PTPRT: variants seen among roughly 807,000 people sequenced by gnomAD.
PTPRT encodes the protein protein tyrosine phosphatase receptor type T, also known as receptor-type tyrosine-protein phosphatase T.
Under a neutral mutation model 176.8 loss-of-function variants are expected in PTPRT, and 56 were observed. That is an observed-to-expected ratio of 0.32 (90% CI 0.26 to 0.40). The LOEUF (loss-of-function observed/expected upper bound fraction) is 0.40. PTPRT is among the 10% of genes least tolerant of loss of function. The probability of loss-of-function intolerance (pLI) is 1.00; values close to 1 mark genes in which losing one functional copy is unlikely to be tolerated. For missense variants in PTPRT, 1,540 were observed against 1,908.2 expected (o/e 0.81, Z 3.60); for synonymous variants, 783 against 739.0 (o/e 1.06, Z -0.96).
At chr20:42,503,084 T>A (rs1055983823) in intron 7 of PTPRT, among the ~76,000 whole-genome samples, 11 of 152,214 alleles carry the variant, frequency 7.2e-5, no homozygotes, top group Middle Eastern at 6.8e-3. Context: ...CAACTTTTTT[T>A]CTGGAGAGAA....
chr20:42,313,385 C>T (rs181152204), intron 12 of PTPRT, among the ~76,000 whole-genome samples: 5 of 152,166 alleles, frequency 3.3e-5, no homozygotes, highest in Admixed American at 6.5e-5. Flanking sequence ...CTTTCTCACA[C>T]GAGATCCAAG....
At chr20:42,140,391 C>T (rs16986551) in intron 18 of PTPRT, among the ~76,000 whole-genome samples, 10,025 of 152,248 alleles carry the variant, frequency 0.066, 616 homozygotes, top group East Asian at 0.28. Context: ...TAGCATTTTG[C>T]ACGAGATAAC....
intron 7 of PTPRT, among the ~76,000 whole-genome samples, chr20:42,477,566 C>T (rs763813425): frequency 6.2e-4 from 95 of 152,102 alleles, no homozygotes; most frequent in Non-Finnish European, 1.1e-3. Context: ...GGTTTACATT[C>T]GGGTTGGTGC....
chr20:42,350,226 T>TGTTGTTGTTTTG lies in PTPRT; in HGVS notation c.1865+401_1865+402insCAAAACAACAAC, dbSNP rs762596591. Among the ~76,000 whole-genome samples, 120 of 88,138 alleles carry TGTTGTTGTTTTG rather than the reference T, an allele frequency of 1.4e-3. 3 individuals carry two copies. Among genetic ancestry groups the TGTTGTTGTTTTG allele is most frequent in the African/African-American group, 3.9e-3 (87 of 22,292 alleles). The allele number at this position is 88,138 out of a possible 152,430, so 57.8% of individuals were successfully genotyped here. Reference sequence around the variant, plus strand: ...TAGGATGTTTCTTGTTTTTTTTTTTTTTTTTTTTTTTTTTTTTTTTGAGAC... The same window carrying TGTTGTTGTTTTG: ...TAGGATGTTTCTTGTTTTTTTTTTTTGTTGTTGTTTTGTTTTTTTTTTTTTTTTTTTTGAGAC... On this transcript the variant is annotated intron_variant, in intron 11 of 30. Coordinates refer to ENST00000373187, the MANE Select transcript of PTPRT (RefSeq NM_007050.6).
At chr20:42,944,742 C>T (rs943540103) in intron 1 of PTPRT, among the ~76,000 whole-genome samples, 1 of 152,146 alleles carries the variant, frequency 6.6e-6, no homozygotes, top group Admixed American at 6.5e-5. Flanking sequence ...TCCCAACTAC[C>T]GTATATCAAG....
chr20:42,678,224 C>G (rs2146070421), intron 6 of PTPRT, 65 bp from the exon 7 acceptor site: 1 of 1,477,282 alleles, frequency 6.8e-7, no homozygotes, highest in South Asian at 1.2e-5. Flanking sequence ...ACTACAAGCA[C>G]ATGACGACAA....
intron 9 of PTPRT, among the ~76,000 whole-genome samples, chr20:42,395,229 C>A (rs1014620651): frequency 6.6e-6 from 1 of 152,182 alleles, no homozygotes; most frequent in African/African-American, 2.4e-5. Flanking sequence ...TAGCTGATAA[C>A]CCTGCTTCCT....
At position 42,981,942 on chromosome 20, in the gene PTPRT, G is replaced by T. The variant is rs747873292; in HGVS notation, c.89-96010C>A. ...GAAATGGCAATGGTCTCTTTATGGG[G>T]CGCTCTTTTCAGCTCCTTCCAGCTC... On this transcript the variant is annotated intron_variant, in intron 1 of 30. Transcript: ENST00000373187. Among the ~76,000 whole-genome samples the T allele has an allele frequency of 3.9e-5, 6 of 152,210 alleles. No individual in the cohort carries two copies. In the South Asian group the frequency reaches 6.2e-4, roughly 16 times the overall value.
chr20:42,548,779 C>G (rs928307683), intron 7 of PTPRT, among the ~76,000 whole-genome samples: 2 of 152,028 alleles, frequency 1.3e-5, no homozygotes, highest in Admixed American at 1.3e-4. Flanking sequence ...ACACAGGAAC[C>G]CTTTCTCCAA....
intron 1 of PTPRT, among the ~76,000 whole-genome samples, chr20:42,900,952 C>T (rs2145914926): frequency 6.6e-6 from 1 of 152,272 alleles, no homozygotes; most frequent in East Asian, 1.9e-4. Flanking sequence ...GCTCCTTGCT[C>T]TCCCAGGACT....
intron 1 of PTPRT, among the ~76,000 whole-genome samples, chr20:43,009,058 C>T (rs543569891): frequency 1.3e-5 from 2 of 152,248 alleles, no homozygotes; most frequent in African/African-American, 4.8e-5. Flanking sequence ...GATCCTGATA[C>T]CTTGGTGAGC....
rs184127445 is a variant in PTPRT, at chr20:42,535,489, C to T, written c.1154-62927G>A. On this transcript the variant is annotated intron_variant, in intron 7 of 30. Transcript: ENST00000373187. The stretch of plus-strand genomic sequence containing the variant: ...AGCCTATAAAATAAAAGTTAAAATA[C>T]ATATGATGTAAGTTGGTAGAGCCAC... 5.9e-5 allele frequency among the ~76,000 whole-genome samples: 9 copies of T among 152,286 alleles called. No individual in the cohort carries two copies. The East Asian group carries it at 1.7e-3, about 29-fold the overall frequency.
the PTPRT span, among the ~76,000 whole-genome samples, chr20:42,066,105 T>A: frequency 6.7e-6 from 1 of 149,814 alleles, no homozygotes; most frequent in East Asian, 2.0e-4. Context: ...AATGGTGTGA[T>A]CTTGGCTCAC....
intron 7 of PTPRT, among the ~76,000 whole-genome samples, chr20:42,649,710 C>A (rs2145965137): frequency 6.6e-6 from 1 of 152,234 alleles, no homozygotes; most frequent in Non-Finnish European, 1.5e-5. Flanking sequence ...TGATTTACTG[C>A]AAAAAGTGTT....
At chr20:42,060,392 G>A in the PTPRT span, among the ~76,000 whole-genome samples, 3 of 152,142 alleles carry the variant, frequency 2.0e-5, 1 homozygote, top group African/African-American at 7.2e-5. Flanking sequence ...ATTAATGCTT[G>A]CCTTGCCTCT....
At chr20:42,383,455 G>A (rs1251180629) in intron 9 of PTPRT, among the ~76,000 whole-genome samples, 1 of 152,072 alleles carries the variant, frequency 6.6e-6, no homozygotes, top group Non-Finnish European at 1.5e-5. Flanking sequence ...GGACCAACCT[G>A]GCTGATAACC....
chr20:42,982,179 T>C (rs1983321481), intron 1 of PTPRT, among the ~76,000 whole-genome samples: 1 of 152,158 alleles, frequency 6.6e-6, no homozygotes, highest in African/African-American at 2.4e-5. Context: ...CGAAGAGGTG[T>C]CATCCATGAG....
chr20:42,115,120 C>A, intron 22 of PTPRT, 79 bp downstream of exon 22: 1 of 1,044,198 alleles, frequency 9.6e-7, no homozygotes, highest in Non-Finnish European at 1.5e-6. Flanking sequence ...AGCAGACCCT[C>A]AGTTACCACA....
At chr20:42,992,423 G>T (rs574107481) in intron 1 of PTPRT, among the ~76,000 whole-genome samples, 2 of 152,318 alleles carry the variant, frequency 1.3e-5, no homozygotes, top group East Asian at 3.9e-4. Flanking sequence ...GTCTATTGGT[G>T]CTCAGTCTAT....
Sources: allele counts gnomAD v4.1 joint callset (sites outside exome capture counted in the v4.1 genomes callset), GRCh38; gene constraint gnomAD v4.1.1; transcripts MANE v1.5; gene names NCBI Gene and HGNC (gene_info 2026-07-23, HGNC 2026-07-21).